Variants in VSTM4 observed in about 807,000 individuals in gnomAD.
VSTM4 encodes V-set and transmembrane domain-containing protein 4.
VSTM4 carries 20 observed loss-of-function variants against 36.4 expected under a neutral mutation model. That is an observed-to-expected ratio of 0.55 (90% CI 0.39 to 0.80). VSTM4 has a LOEUF of 0.80. VSTM4 is among the 30% of genes least tolerant of loss of function. VSTM4 has a pLI of 0.00. For synonymous variants in VSTM4, 182 were observed against 173.9 expected (o/e 1.05, Z -0.37); for missense variants, 392 against 404.5 (o/e 0.97, Z 0.26).
intron 4 of VSTM4, among the ~76,000 whole-genome samples, chr10:49,066,589 G>A (rs1304221174): frequency 2.0e-5 from 3 of 152,018 alleles, no homozygotes; most frequent in African/African-American, 7.2e-5. Context: ...TAACAAAATT[G>A]ATGATAAATT....
intron 4 of VSTM4, among the ~76,000 whole-genome samples, chr10:49,076,143 C>T (rs763253730): frequency 3.9e-5 from 6 of 152,196 alleles, no homozygotes; most frequent in Non-Finnish European, 8.8e-5. Context: ...ATTAATGCTG[C>T]ACAGAGTCAC....
intron 2 of VSTM4, chr10:49,102,761 A>T: frequency 1.0e-6 from 1 of 985,440 alleles, no homozygotes; most frequent in Non-Finnish European, 1.2e-6. Flanking sequence ...CTTGACAAAG[A>T]ACATTTTATT....
At chr10:49,099,882 G>T (rs948068550) in intron 2 of VSTM4, among the ~76,000 whole-genome samples, 1 of 152,160 alleles carries the variant, frequency 6.6e-6, no homozygotes, top group Admixed American at 6.5e-5. Context: ...GCTGGGTGGT[G>T]GCTGGTGCCT....
intron 2 of VSTM4, chr10:49,102,290 C>T (rs889370056): frequency 1.2e-5 from 6 of 500,502 alleles, no homozygotes; most frequent in Non-Finnish European, 1.6e-5. Flanking sequence ...GTGCACACCA[C>T]CACACCTGGC....
chr10:49,030,679 AG>A (rs1348730894), intron 7 of VSTM4, among the ~76,000 whole-genome samples: 2 of 152,224 alleles, frequency 1.3e-5, no homozygotes, highest in Non-Finnish European at 2.9e-5. Context: ...AAAAGTACAC[AG>A]GATGTTCAGC....
At chr10:49,053,156 GC>G (rs1843724679) in intron 5 of VSTM4, among the ~76,000 whole-genome samples, 1 of 152,212 alleles carries the variant, frequency 6.6e-6, no homozygotes, top group Admixed American at 6.5e-5. Context: ...AAACAGGCCC[GC>G]CCGGAAACTC....
intron 3 of VSTM4, among the ~76,000 whole-genome samples, chr10:49,082,011 A>AC (rs1453358536): frequency 6.7e-6 from 1 of 150,242 alleles, no homozygotes; most frequent in Non-Finnish European, 1.5e-5. Flanking sequence ...AAACATGAAA[A>AC]CCCCCCTCCC....
At position 49,107,874 on chromosome 10, in the gene VSTM4, G is replaced by C. The variant is rs565580324; in HGVS notation, c.177C>G (p.Ala59=). The C allele has an allele frequency of 1.2e-6, 2 of 1,614,070 alleles. No individual in the cohort carries two copies. The highest frequency in any genetic ancestry group is 1.3e-5 in the African/African-American group (1 of 74,944). The change falls in exon 2 of 8, where the codon GCC becomes GCG. Residue 59 remains alanine (A), a synonymous_variant. Transcript: ENST00000332853. The part of the protein sequence containing the change: ...SQKRRKDSLL[A]VRWFFAHSFD... ...AGGAGTGTGCAAAGAACCAGCGCAC[G>C]GCCAGCAAGCTGTCCTTCCGCCTTT...
intron 2 of VSTM4, among the ~76,000 whole-genome samples, chr10:49,097,887 A>G (rs1399231285): frequency 2.0e-5 from 3 of 152,220 alleles, no homozygotes; most frequent in Non-Finnish European, 4.4e-5. Context: ...CAGCAAAACT[A>G]TTAACTGCTC....
intron 7 of VSTM4, among the ~76,000 whole-genome samples, chr10:49,040,169 A>G (rs1490321363): frequency 2.0e-5 from 3 of 152,208 alleles, no homozygotes; most frequent in African/African-American, 7.2e-5. Context: ...ATGTGGCCTC[A>G]TTATCTGATT....
intron 5 of VSTM4, among the ~76,000 whole-genome samples, chr10:49,050,067 C>T (rs368530233): frequency 6.7e-6 from 1 of 149,824 alleles, no homozygotes; most frequent in Non-Finnish European, 1.5e-5. Flanking sequence ...TCAGCAGGGA[C>T]TAGTTGAGTA....
chr10:49,083,479 G>C (rs549049669), intron 3 of VSTM4, among the ~76,000 whole-genome samples: 2 of 152,304 alleles, frequency 1.3e-5, no homozygotes, highest in Non-Finnish European at 1.5e-5. Context: ...CCAAAGCTAC[G>C]GCTGGGTTAA....
At chr10:49,028,193 G>T (rs902748435) in intron 7 of VSTM4, among the ~76,000 whole-genome samples, 1 of 152,168 alleles carries the variant, frequency 6.6e-6, no homozygotes, top group Non-Finnish European at 1.5e-5. Flanking sequence ...CTGGATAGCT[G>T]CTGAGCCAGA....
At chr10:49,084,750 C>T (rs1442458582) in intron 3 of VSTM4, among the ~76,000 whole-genome samples, 1 of 152,228 alleles carries the variant, frequency 6.6e-6, no homozygotes, top group Non-Finnish European at 1.5e-5. Context: ...AAAGCTCTGC[C>T]AGAGAACTCA....
At chr10:49,072,212 G>C (rs554687496) in intron 4 of VSTM4, among the ~76,000 whole-genome samples, 1 of 152,254 alleles carries the variant, frequency 6.6e-6, no homozygotes, top group East Asian at 1.9e-4. Flanking sequence ...CTGACATGGG[G>C]GGATGTGCCC....
At chr10:49,084,061 C>T (rs1206260175) in intron 3 of VSTM4, among the ~76,000 whole-genome samples, 1 of 152,218 alleles carries the variant, frequency 6.6e-6, no homozygotes, top group Admixed American at 6.5e-5. Flanking sequence ...TGCCTGGTCA[C>T]AGGGCAGCTC....
At chr10:49,071,602 A>G (rs1844080917) in intron 4 of VSTM4, among the ~76,000 whole-genome samples, 1 of 152,232 alleles carries the variant, frequency 6.6e-6, no homozygotes, top group Admixed American at 6.5e-5. Context: ...CAAGGCTGAG[A>G]GTGAAGAGGG....
intron 1 of VSTM4, among the ~76,000 whole-genome samples, chr10:49,111,941 C>T (rs1390550119): frequency 7.2e-5 from 11 of 152,284 alleles, no homozygotes; most frequent in South Asian, 4.1e-4. Context: ...TAAAGACTCA[C>T]TTGCAGCTAA....
intron 2 of VSTM4, among the ~76,000 whole-genome samples, chr10:49,086,500 G>C (rs906531765): frequency 1.3e-5 from 2 of 152,204 alleles, no homozygotes; most frequent in African/African-American, 4.8e-5. Flanking sequence ...CTAATTGTGA[G>C]AACATTTTGT....
Sources: gnomAD v4.1 joint callset for allele counts (sites outside exome capture counted in the v4.1 genomes callset) on GRCh38, gnomAD v4.1.1 for gene constraint, MANE v1.5 for transcripts, NCBI Gene and HGNC (gene_info 2026-07-23, HGNC 2026-07-21) for gene names.